P2RX6: variants seen among roughly 807,000 people sequenced by gnomAD.
P2RX6 encodes the protein purinergic receptor P2X 6.
P2RX6 carries 62 observed loss-of-function variants against 54.2 expected under a neutral mutation model. That is an observed-to-expected ratio of 1.14 (90% confidence interval 0.93 to 1.41). P2RX6 has a LOEUF of 1.41. Ranked by LOEUF, P2RX6 falls within the 40% of genes most tolerant of loss-of-function variation. The pLI, the probability that P2RX6 is intolerant of heterozygous loss-of-function variation, is 0.00. For synonymous variants in P2RX6, 211 were observed against 231.9 expected, an observed-to-expected ratio of 0.91 and a Z score of 0.82; for missense variants, 541 against 566.3, an observed-to-expected ratio of 0.96 and a Z score of 0.45.
At chr22:21,024,898 T>A (rs1275586506) in intron 8 of P2RX6, among the ~76,000 whole-genome samples, 1 of 147,740 alleles carries the variant, frequency 6.8e-6, no homozygotes, top group Non-Finnish European at 1.5e-5. Flanking sequence ...TTTTTTTTTT[T>A]AGATGAAGTT....
chr22:21,023,635 C>T lies in P2RX6; in HGVS notation c.890+17C>T. 2 of 1,541,758 alleles carry T rather than the reference C, an allele frequency of 1.3e-6. No individual in the cohort carries two copies. The highest frequency in any genetic ancestry group is 2.3e-5 in the South Asian group (2 of 85,848). On this transcript the variant is annotated intron_variant, in intron 8 of 11. Transcript: ENST00000413302. ...CAACTTCAGGTGAGGCCCCACTGCT[C>T]CCAGTGCCCAGCTGCTGGGCCCATC...
At position 21,023,272 on chromosome 22, in the gene P2RX6, C is replaced by T. The variant is rs1481122260; in HGVS notation, c.639-3C>T. On this transcript the variant is annotated splice_polypyrimidine_tract_variant and splice_region_variant and intron_variant, in intron 6 of 11. Transcript: ENST00000413302. ...CTCATCTGACCTTTCCCACTCCTCC[C>T]AGGTCCAATGCCTTGGAGACCTGGG... 3.1e-6 allele frequency: 5 copies of T among 1,614,010 alleles called. No individual in the cohort carries two copies. Among genetic ancestry groups the T allele is most frequent in the Non-Finnish European group, 4.2e-6 (5 of 1,179,882 alleles).
intron 8 of P2RX6, among the ~76,000 whole-genome samples, chr22:21,023,955 CTTTGT>C (rs1276380544): frequency 7.9e-6 from 1 of 126,430 alleles, no homozygotes; most frequent in Non-Finnish European, 1.6e-5. Context: ...TCCCCTTCAG[CTTTGT>C]TTTTTTTTTT....
rs1432362647 is a variant in P2RX6 at position 21,027,945 on chromosome 22, T to C, written c.*1328T>C. On this transcript the variant is annotated 3_prime_UTR_variant, in exon 12 of 12. Coordinates refer to ENST00000413302, the MANE Select transcript of P2RX6 (RefSeq NM_005446.5). ...GAGGGGCACGTGCACCTGATTCTCC[T>C]TGGGGCCCAGAGGAAGCTGATGTCA... The C allele has an allele frequency of 6.6e-6, 1 of 152,246 alleles. No individual in the cohort carries two copies. Among genetic ancestry groups the C allele is most frequent in the African/African-American group, 2.4e-5 (1 of 41,426 alleles). The allele number at this position is 152,246 out of a possible 1,614,324, so 9.4% of individuals were successfully genotyped here.
In P2RX6 at chr22:21,026,869, G is replaced by C; in HGVS notation, c.*252G>C. 1.5e-6 allele frequency: 1 copy of C among 660,528 alleles called. No individual in the cohort carries two copies. Among genetic ancestry groups the C allele is most frequent in the Non-Finnish European group, 2.4e-6 (1 of 408,330 alleles). The allele number at this position is 660,528 out of a possible 1,614,324, so 40.9% of individuals were successfully genotyped here. ...AGCCCAGCAGGCACCTGTATTGCAG[G>C]GCTCCGACTGCATGTGGCAGGGGCT... On this transcript the variant is annotated 3_prime_UTR_variant, in exon 12 of 12. Coordinates refer to ENST00000413302, the MANE Select transcript of P2RX6 (RefSeq NM_005446.5). The surrounding 1 kb of genome is among the most constrained non-coding windows in gnomAD (Gnocchi z 4.0).
In P2RX6 at chr22:21,027,322, G is replaced by T. The variant is rs139859707; in HGVS notation, c.*705G>T. On this transcript the variant is annotated 3_prime_UTR_variant, in exon 12 of 12. Transcript: ENST00000413302. ...CCTTTTGCCATGGAGGTCTGGGAGA[G>T]AGAGCAGAGGGCGGCAGGGCTAAGT... The T allele has an allele frequency of 6.5e-6, 1 of 152,886 alleles. No individual in the cohort carries two copies. The highest frequency in any genetic ancestry group is 1.5e-5 in the Non-Finnish European group (1 of 68,522). 9.5% of individuals were successfully genotyped at this position (152,886 alleles called of 1,614,324 possible).
At chr22:21,020,526 A>C (rs939252422) in intron 3 of P2RX6, among the ~76,000 whole-genome samples, 6 of 151,450 alleles carry the variant, frequency 4.0e-5, no homozygotes, top group Non-Finnish European at 2.9e-5. Context: ...GGCAGGTCCT[A>C]TGATGGGACA....
At chr22:21,014,731 T>G (rs1171195265), upstream of P2RX6, among the ~76,000 whole-genome samples, 1 of 152,176 alleles carries the variant, frequency 6.6e-6, no homozygotes, top group African/African-American at 2.4e-5. Context: ...CGCTGCTCCC[T>G]GCACCAGGAA....
intron 3 of P2RX6, chr22:21,018,428 G>A: frequency 3.0e-6 from 1 of 336,310 alleles, no homozygotes; most frequent in Non-Finnish European, 5.8e-6. Flanking sequence ...GGTTGGTAGT[G>A]TGACACCCAG....
At chr22:21,019,566 G>A (rs1235701762) in intron 3 of P2RX6, among the ~76,000 whole-genome samples, 5 of 152,166 alleles carry the variant, frequency 3.3e-5, no homozygotes, top group African/African-American at 1.2e-4. Context: ...CACCAGCCTC[G>A]GCCTCTCAAA....
At chr22:21,016,336 G>T (rs1926380505) in intron 2 of P2RX6, among the ~76,000 whole-genome samples, 1 of 152,008 alleles carries the variant, frequency 6.6e-6, no homozygotes, top group Admixed American at 6.5e-5. Context: ...GCTGGCTCAC[G>T]CCTGTAATCC....
intron 2 of P2RX6, among the ~76,000 whole-genome samples, chr22:21,016,481 C>G (rs535800662): frequency 2.0e-5 from 3 of 150,068 alleles, no homozygotes; most frequent in African/African-American, 7.4e-5. Flanking sequence ...CGCAGCTACT[C>G]GGGAGGCTGG....
At position 21,025,905 on chromosome 22, in the gene P2RX6, A is replaced by C. The variant is rs1479314077; in HGVS notation, c.984+7A>C. 1.8e-5 allele frequency: 28 copies of C among 1,580,114 alleles called. No individual in the cohort carries two copies. Among genetic ancestry groups the C allele is most frequent in the Non-Finnish European group, 2.4e-5 (28 of 1,163,354 alleles). On this transcript the variant is annotated splice_region_variant and intron_variant, in intron 9 of 11. Coordinates refer to ENST00000413302, the MANE Select transcript of P2RX6 (RefSeq NM_005446.5). Reference sequence around the variant, plus strand: ...CATCCTCGTCACCGGGCAGGTAGGCACAGGTAGGGGTCAGGCCGGGGATGG... The same window carrying C: ...CATCCTCGTCACCGGGCAGGTAGGCCCAGGTAGGGGTCAGGCCGGGGATGG...
rs751723543 is a variant in P2RX6 at position 21,022,729 on chromosome 22, G to A, written c.441G>A (p.Gly147=). ...GGGTCGACGAGGACTGCCCCGAAGGGGAGGGAGGCACACACAGCCACGGTA... is the reference window on the plus strand; with the variant it reads ...GGGTCGACGAGGACTGCCCCGAAGGAGAGGGAGGCACACACAGCCACGGTA... ...NCWVDEDCPE[G]EGGTHSHGVK... is the part of the protein sequence containing the mutation. Residue 147 remains glycine, a synonymous_variant, in exon 4 of 12, where the codon GGG becomes GGA. Transcript: ENST00000413302. The A allele has an allele frequency of 6.3e-7, 1 of 1,578,376 alleles. No individual in the cohort carries two copies. The highest frequency in any genetic ancestry group is 8.6e-7 in the Non-Finnish European group (1 of 1,163,272).
upstream of P2RX6, among the ~76,000 whole-genome samples, chr22:21,014,504 C>T (rs1409824243): frequency 2.0e-5 from 3 of 152,206 alleles, no homozygotes; most frequent in African/African-American, 7.2e-5. Flanking sequence ...GGGCTGGGCG[C>T]CTTGTGGGCA....
intron 8 of P2RX6, among the ~76,000 whole-genome samples, chr22:21,024,427 G>A (rs1459520759): frequency 4.0e-5 from 6 of 151,870 alleles, no homozygotes; most frequent in Non-Finnish European, 8.8e-5. Context: ...ACGGGTGCAC[G>A]CCTCCACGCC....
chr22:21,023,209 T>G lies in P2RX6; in HGVS notation c.638+11T>G. On this transcript the variant is annotated intron_variant, in intron 6 of 11. Coordinates refer to ENST00000413302, the MANE Select transcript of P2RX6 (RefSeq NM_005446.5). ...GTTCAACTTCTCTAAGTAAGCAGAG[T>G]GGGTCTCATCTGCCCCAAGACCCTC... 6.2e-7 allele frequency: 1 copy of G among 1,613,048 alleles called. No homozygotes were observed.
At chr22:21,025,978 T>C (rs1195295361) in intron 9 of P2RX6, 33 bp from the exon 10 acceptor site, 47 of 1,598,958 alleles carry the variant, frequency 2.9e-5, no homozygotes, top group Non-Finnish European at 3.8e-5. Context: ...CTGACAGTCG[T>C]GGGCTGAGAG....
At chr22:21,024,509 C>G (rs1322474268) in intron 8 of P2RX6, among the ~76,000 whole-genome samples, 1 of 152,180 alleles carries the variant, frequency 6.6e-6, no homozygotes, top group Non-Finnish European at 1.5e-5. Flanking sequence ...ATCTCTTGAC[C>G]TCGTGATCCA....
Sources: allele counts gnomAD v4.1 joint callset (sites outside exome capture counted in the v4.1 genomes callset), GRCh38; gene constraint gnomAD v4.1.1; non-coding constraint Gnocchi (gnomAD v3.1); transcripts MANE v1.5; gene names NCBI Gene and HGNC (gene_info 2026-07-23, HGNC 2026-07-21).